The following PDE4D variants were observed in gnomAD, a reference collection of about 807,000 sequenced individuals.
The protein encoded by PDE4D is 3',5'-cyclic-AMP phosphodiesterase 4D.
PDE4D carries 24 observed loss-of-function variants against 87.4 expected under a neutral mutation model. That is an observed-to-expected ratio of 0.27 (90% CI 0.20 to 0.39). The LOEUF (loss-of-function observed/expected upper bound fraction) is 0.39. Ranked by LOEUF, PDE4D falls within the 10% of genes least tolerant of loss-of-function variation. The probability of loss-of-function intolerance (pLI) is 1.00; values close to 1 mark genes in which losing one functional copy is unlikely to be tolerated. For synonymous variants in PDE4D, 384 were observed against 383.2 expected, an observed-to-expected ratio of 1.00 and a Z score of -0.02; for missense variants, 714 against 1,041.0, an observed-to-expected ratio of 0.69 and a Z score of 4.32.
At chr5:60,182,806 G>A (rs1250871743) in intron 2 of PDE4D, among the ~76,000 whole-genome samples, 1 of 152,132 alleles carries the variant, frequency 6.6e-6, no homozygotes, top group Non-Finnish European at 1.5e-5. Context: ...CGTGAACCAG[G>A]GAGGCGGAGC....
chr5:59,477,276 C>A, intron 1 of PDE4D, among the ~76,000 whole-genome samples: 1 of 141,208 alleles, frequency 7.1e-6, no homozygotes. Flanking sequence ...TCTTAAAAAA[C>A]AAAAGGACAT....
intron 1 of PDE4D, among the ~76,000 whole-genome samples, chr5:59,802,982 GA>G (rs1767318002): frequency 6.6e-6 from 1 of 152,160 alleles, no homozygotes; most frequent in African/African-American, 2.4e-5. Flanking sequence ...GTTACAAGCA[GA>G]GTTGTGGTGT....
intron 2 of PDE4D, among the ~76,000 whole-genome samples, chr5:60,168,529 A>G (rs892271262): frequency 6.6e-6 from 1 of 152,192 alleles, no homozygotes; most frequent in Non-Finnish European, 1.5e-5. Context: ...ATAGCCACAT[A>G]TATGTATATA....
intron 1 of PDE4D, among the ~76,000 whole-genome samples, chr5:59,427,334 CA>C (rs1795428584): frequency 1.4e-5 from 2 of 142,002 alleles, no homozygotes; most frequent in African/African-American, 6.2e-5. Context: ...CACACACACA[CA>C]CACGCCCCTA....
chr5:59,479,417 T>C (rs1007961789), intron 1 of PDE4D, among the ~76,000 whole-genome samples: 3 of 152,102 alleles, frequency 2.0e-5, no homozygotes, highest in African/African-American at 7.2e-5. Context: ...CTAGTTACCT[T>C]TATCTGGCCT....
Position 59,773,901 on chromosome 5 carries a change from C to T in PDE4D, c.455+119267G>A, listed in dbSNP as rs370778913. ...TTAGAAGGGAATATAAATAAAACTC[C>T]CAACAAAGAAAATAAATACTAAGAA... On this transcript the variant is annotated intron_variant, in intron 1 of 14. Transcript: ENST00000340635. Among the ~76,000 whole-genome samples, 28 of 151,876 alleles carry T rather than the reference C, an allele frequency of 1.8e-4. No homozygotes were observed. The East Asian group carries it at 5.0e-3, about 27-fold the overall frequency.
intron 1 of PDE4D, among the ~76,000 whole-genome samples, chr5:59,534,637 G>A (rs771728296): frequency 3.3e-5 from 5 of 152,204 alleles, no homozygotes; most frequent in African/African-American, 4.8e-5. Flanking sequence ...GGATGAACCT[G>A]TGTGCAATGG....
chr5:58,988,521 AC>A lies in PDE4D; in HGVS notation c.1523del (p.Gly508ValfsTer7). 1 of 1,497,782 alleles carries A rather than the reference AC, an allele frequency of 6.7e-7. No individual in the cohort carries two copies. Among genetic ancestry groups the A allele is most frequent in the South Asian group, 1.3e-5 (1 of 74,866 alleles). 92.8% of individuals were successfully genotyped at this position (1,497,782 alleles called of 1,614,324 possible). A position where few individuals can be genotyped will look rare whatever the true frequency, so the allele number is the denominator to read the frequency against. On this transcript the variant is annotated frameshift_variant, in exon 11 of 15. Transcript: ENST00000340635. LOFTEE classifies it high-confidence loss of function. ...TATTGATCAGAAATTGATTGGACACACCAGGATGATCTACATCATGTATTGC... is the reference window on the plus strand; with the variant it reads ...TATTGATCAGAAATTGATTGGACACACAGGATGATCTACATCATGTATTGC... Reference protein sequence around the residue: ...ASAIHDVDHPGVSNQFLINTN... With the variant: ...ASAIHDVDHPXVSNQFLINTN...
chr5:59,307,906 G>T (rs1771730440), intron 1 of PDE4D, among the ~76,000 whole-genome samples: 1 of 151,974 alleles, frequency 6.6e-6, no homozygotes, highest in Non-Finnish European at 1.5e-5. Flanking sequence ...AAAGACACAT[G>T]CACACGTATG....
chr5:59,979,950 G>GA (rs941402586), intron 3 of PDE4D, among the ~76,000 whole-genome samples: 50 of 151,924 alleles, frequency 3.3e-4, no homozygotes, highest in Non-Finnish European at 5.7e-4. Context: ...CATTTGTAGA[G>GA]AAAAAAAGTT....
intron 5 of PDE4D, among the ~76,000 whole-genome samples, chr5:59,141,241 C>G (rs1777844356): frequency 6.6e-6 from 1 of 152,184 alleles, no homozygotes; most frequent in Admixed American, 6.5e-5. Flanking sequence ...ATACCACTGT[C>G]TAAGTCTTTC....
intron 1 of PDE4D, among the ~76,000 whole-genome samples, chr5:60,339,353 G>C (rs1487127118): frequency 6.6e-6 from 1 of 152,084 alleles, no homozygotes; most frequent in Non-Finnish European, 1.5e-5. Flanking sequence ...CTGCTAATGA[G>C]ACGGCTACTA....
At chr5:59,492,065 G>T (rs1379682687) in intron 1 of PDE4D, among the ~76,000 whole-genome samples, 1 of 152,104 alleles carries the variant, frequency 6.6e-6, no homozygotes, top group East Asian at 1.9e-4. Context: ...GATCTTAAGA[G>T]AACCCCACCC....
At chr5:59,755,754 C>G (rs1761124751) in intron 1 of PDE4D, among the ~76,000 whole-genome samples, 1 of 151,554 alleles carries the variant, frequency 6.6e-6, no homozygotes, top group African/African-American at 2.4e-5. Flanking sequence ...GGCAAACAAG[C>G]AGGAATGATA....
At chr5:59,178,633 C>A (rs1316845060) in intron 5 of PDE4D, among the ~76,000 whole-genome samples, 2 of 152,118 alleles carry the variant, frequency 1.3e-5, no homozygotes, top group African/African-American at 4.8e-5. Context: ...GCTGCCCTGA[C>A]CACTGAGCAC....
intron 2 of PDE4D, among the ~76,000 whole-genome samples, chr5:60,014,984 G>T (rs770489405): frequency 6.6e-6 from 1 of 152,154 alleles, no homozygotes; most frequent in Non-Finnish European, 1.5e-5. Flanking sequence ...CATGTTCCCA[G>T]CTGGATCTCA....
At chr5:59,041,726 G>A (rs1759722575) in intron 5 of PDE4D, among the ~76,000 whole-genome samples, 1 of 152,178 alleles carries the variant, frequency 6.6e-6, no homozygotes, top group Non-Finnish European at 1.5e-5. Flanking sequence ...CAGTAGCTAA[G>A]TAAACTGCCC....
At chr5:60,357,657 A>G (rs1175410119) in intron 1 of PDE4D, among the ~76,000 whole-genome samples, 1 of 152,200 alleles carries the variant, frequency 6.6e-6, no homozygotes, top group Non-Finnish European at 1.5e-5. Flanking sequence ...AAAGTTGAGA[A>G]CAAAAACATT....
chr5:59,831,615 C>G (rs1426040307), intron 1 of PDE4D, among the ~76,000 whole-genome samples: 1 of 152,044 alleles, frequency 6.6e-6, no homozygotes, highest in East Asian at 1.9e-4. Flanking sequence ...CATAGCTTGA[C>G]TTTGGTTACA....
Sources: allele counts gnomAD v4.1 joint callset (sites outside exome capture counted in the v4.1 genomes callset), GRCh38; gene constraint gnomAD v4.1.1; transcripts MANE v1.5; gene names NCBI Gene and HGNC (gene_info 2026-07-23, HGNC 2026-07-21).